IMMP2L: variants seen among roughly 807,000 people sequenced by gnomAD.
IMMP2L encodes mitochondrial inner membrane protease subunit 2.
A neutral mutation model predicts 19.3 loss-of-function variants in IMMP2L; 18 were observed. The observed-to-expected ratio is 0.93, with a 90% CI of 0.64 to 1.38. The LOEUF (loss-of-function observed/expected upper bound fraction) is 1.38, where lower values mean the gene tolerates loss of function less well. Ranked by LOEUF, IMMP2L falls within the 40% of genes most tolerant of loss-of-function variation. The pLI is 0.00. For missense variants in IMMP2L, 233 were observed against 218.2 expected (o/e 1.07, Z -0.43); for synonymous variants, 76 against 73.0 (o/e 1.04, Z -0.21).
At chr7:111,045,570 A>C (rs1027456627) in intron 3 of IMMP2L, among the ~76,000 whole-genome samples, 7 of 152,170 alleles carry the variant, frequency 4.6e-5, no homozygotes, top group African/African-American at 1.7e-4. Flanking sequence ...CTCTCTAAAC[A>C]CATCTCTAGG....
At chr7:110,806,404 G>A (rs1166091394) in intron 5 of IMMP2L, among the ~76,000 whole-genome samples, 1 of 151,776 alleles carries the variant, frequency 6.6e-6, no homozygotes, top group Non-Finnish European at 1.5e-5. Context: ...TAAAGTAAAG[G>A]GCTATTGAAG....
At chr7:111,127,757 T>C (rs1000160016) in intron 3 of IMMP2L, among the ~76,000 whole-genome samples, 4 of 152,198 alleles carry the variant, frequency 2.6e-5, no homozygotes, top group African/African-American at 9.6e-5. Flanking sequence ...CTAAAGTTTA[T>C]AGCTGTATGA....
At chr7:111,092,848 T>C (rs1797007581) in intron 3 of IMMP2L, among the ~76,000 whole-genome samples, 2 of 152,212 alleles carry the variant, frequency 1.3e-5, no homozygotes, top group South Asian at 4.1e-4. Flanking sequence ...TTGTATTTCA[T>C]CTTCTGGAGC....
intron 3 of IMMP2L, among the ~76,000 whole-genome samples, chr7:111,094,873 G>A (rs901603651): frequency 1.3e-5 from 2 of 152,020 alleles, no homozygotes; most frequent in Non-Finnish European, 2.9e-5. Context: ...AAATCGGAAC[G>A]TTTTTCTAAC....
At chr7:111,390,383 A>G (rs1376290803) in intron 3 of IMMP2L, among the ~76,000 whole-genome samples, 1 of 152,002 alleles carries the variant, frequency 6.6e-6, no homozygotes, top group African/African-American at 2.4e-5. Context: ...TCACACCCCA[A>G]ACTCCATCTC....
At position 111,123,476 on chromosome 7, in the gene IMMP2L, T is replaced by C. The variant is rs1800902412; in HGVS notation, c.240-159911A>G. 4 of 1,613,744 alleles carry C rather than the reference T, an allele frequency of 2.5e-6. No individual in the cohort carries two copies. In the East Asian group the frequency reaches 8.9e-5, roughly 36 times the overall value. On this transcript the variant is annotated intron_variant, in intron 3 of 5. Transcript: ENST00000405709. The surrounding 1 kb of genome is among the most constrained non-coding windows in gnomAD (Gnocchi z 6.4). ...ATACCAGATAACGCCTTGGTTGGAC[T>C]GGAAAACTTAGAAAGCATCTCTTTT...
intron 3 of IMMP2L, among the ~76,000 whole-genome samples, chr7:111,291,284 A>C (rs1454993130): frequency 6.6e-6 from 1 of 152,206 alleles, no homozygotes; most frequent in African/African-American, 2.4e-5. Context: ...TTGCAGCAGC[A>C]GCTCCCATCA....
chr7:111,273,720 C>T (rs1021741296), intron 3 of IMMP2L, among the ~76,000 whole-genome samples: 1 of 151,988 alleles, frequency 6.6e-6, no homozygotes, highest in African/African-American at 2.4e-5. Context: ...CGGTTAGGAA[C>T]ATTCAAGGCT....
chr7:110,799,856 T>C (rs17157977), intron 5 of IMMP2L, among the ~76,000 whole-genome samples: 10,942 of 152,048 alleles, frequency 0.072, 717 homozygotes, highest in African/African-American at 0.16. Flanking sequence ...AGTTCACCCA[T>C]AGAGTCTCTA....
chr7:110,930,585 G>A (rs1443981107), intron 4 of IMMP2L, among the ~76,000 whole-genome samples: 1 of 152,026 alleles, frequency 6.6e-6, no homozygotes, highest in African/African-American at 2.4e-5. Context: ...ACTTGCCCTG[G>A]GTCACAGAAA....
chr7:110,669,972 C>G (rs570138695), intron 5 of IMMP2L, among the ~76,000 whole-genome samples: 3 of 152,282 alleles, frequency 2.0e-5, no homozygotes, highest in Admixed American at 1.3e-4. Flanking sequence ...ATAGACTCAT[C>G]AATAAGTAAG....
intron 4 of IMMP2L, among the ~76,000 whole-genome samples, chr7:110,949,560 T>C (rs1817582370): frequency 6.6e-6 from 1 of 152,198 alleles, no homozygotes. Context: ...GTCCAACATC[T>C]GTTTTTGTAC....
At chr7:110,670,483 A>C (rs1791820507) in intron 5 of IMMP2L, among the ~76,000 whole-genome samples, 1 of 152,196 alleles carries the variant, frequency 6.6e-6, no homozygotes, top group South Asian at 2.1e-4. Context: ...TGAGGTCAGG[A>C]GTTCGAGACC....
At position 110,804,808 on chromosome 7, in the gene IMMP2L, G is replaced by A. The variant is rs2131235462; in HGVS notation, c.408+81785C>T. ...TGCTAATGAGGACTACTTACAGGAT[G>A]GAAGAAAAACATGTAAGGAACTTGT... is the stretch of plus-strand genomic sequence containing the variant. On this transcript the variant is annotated intron_variant, in intron 5 of 5. Coordinates refer to ENST00000405709, the MANE Select transcript of IMMP2L (RefSeq NM_032549.4). Among the ~76,000 whole-genome samples, 2 of 152,204 alleles carry A rather than the reference G, an allele frequency of 1.3e-5. 1 individual carries two copies. The highest frequency in any genetic ancestry group is 1.3e-4 in the Admixed American group (2 of 15,280).
intron 3 of IMMP2L, among the ~76,000 whole-genome samples, chr7:111,227,181 C>A (rs1344800807): frequency 6.6e-6 from 1 of 152,012 alleles, no homozygotes; most frequent in Non-Finnish European, 1.5e-5. Context: ...TGCCACACAC[C>A]ACCACCTGGT....
chr7:111,131,702 C>T (rs1273316878), intron 3 of IMMP2L, among the ~76,000 whole-genome samples: 1 of 151,628 alleles, frequency 6.6e-6, no homozygotes, highest in Non-Finnish European at 1.5e-5. Flanking sequence ...ATAATTACAA[C>T]CCAATTTATG....
At chr7:110,680,848 A>G (rs1374157093) in intron 5 of IMMP2L, among the ~76,000 whole-genome samples, 2 of 152,152 alleles carry the variant, frequency 1.3e-5, no homozygotes, top group African/African-American at 2.4e-5. Flanking sequence ...AGACACAGAA[A>G]CAGAGATTAC....
At chr7:110,873,518 T>A (rs1219664429) in intron 5 of IMMP2L, among the ~76,000 whole-genome samples, 2 of 147,572 alleles carry the variant, frequency 1.4e-5, no homozygotes, top group East Asian at 4.0e-4. Context: ...AATCCCAGCA[T>A]TTTGGGAGGC....
At chr7:110,744,703 A>G (rs1797212392) in intron 5 of IMMP2L, among the ~76,000 whole-genome samples, 1 of 152,234 alleles carries the variant, frequency 6.6e-6, no homozygotes, top group African/African-American at 2.4e-5. Context: ...AATAGTATCA[A>G]CATCAACAAA....
Sources: allele counts gnomAD v4.1 joint callset (sites outside exome capture counted in the v4.1 genomes callset), GRCh38; gene constraint gnomAD v4.1.1; non-coding constraint Gnocchi (gnomAD v3.1); transcripts MANE v1.5; gene names NCBI Gene and HGNC (gene_info 2026-07-23, HGNC 2026-07-21).